The following ITGBL1 variants were observed in gnomAD, a reference collection of about 807,000 sequenced individuals.
ITGBL1 encodes the protein integrin beta-like protein 1.
In ITGBL1, 51 loss-of-function variants were observed where a neutral mutation model predicts 68.5. The observed-to-expected ratio is 0.74, with a 90% CI of 0.59 to 0.94. The LOEUF (loss-of-function observed/expected upper bound fraction) is 0.94. ITGBL1 is among the 40% of genes least tolerant of loss of function. ITGBL1 has a pLI of 0.00. For synonymous variants in ITGBL1, 209 were observed against 227.3 expected (o/e 0.92, Z 0.72); for missense variants, 649 against 647.4 (o/e 1.00, Z -0.03).
At chr13:101,658,792 A>T (rs1027868815) in intron 7 of ITGBL1, among the ~76,000 whole-genome samples, 81 of 152,220 alleles carry the variant, frequency 5.3e-4, no homozygotes, top group African/African-American at 1.8e-3. Flanking sequence ...ATTCACAGTC[A>T]ACCTGTTTCT....
intron 3 of ITGBL1, among the ~76,000 whole-genome samples, chr13:101,572,178 T>C (rs2050284307): frequency 6.6e-6 from 1 of 152,138 alleles, no homozygotes; most frequent in Admixed American, 6.6e-5. Flanking sequence ...ACCCTCCGAG[T>C]TCAGGACCAT....
intron 9 of ITGBL1, among the ~76,000 whole-genome samples, chr13:101,710,142 G>A: frequency 6.6e-6 from 1 of 152,216 alleles, no homozygotes; most frequent in East Asian, 1.9e-4. Flanking sequence ...AGGGTTGAAA[G>A]CATATTTGTG....
At position 101,604,887 on chromosome 13, in the gene ITGBL1, T is replaced by TACACATACATACACACAC. The variant is rs1555361673; in HGVS notation, c.1015+6593_1015+6594insTACATACACACACACACA. On this transcript the variant is annotated intron_variant, in intron 7 of 10. Coordinates refer to ENST00000376180, the MANE Select transcript of ITGBL1 (RefSeq NM_004791.3). The stretch of plus-strand genomic sequence containing the variant: ...ATATATATATATATATATATATATA[T>TACACATACATACACACAC]ACACACACACACACATATATATGTG... Among the ~76,000 whole-genome samples, 24 of 22,164 alleles carry TACACATACATACACACAC rather than the reference T, an allele frequency of 1.1e-3. 1 individual carries two copies. The South Asian group carries it at 0.026, about 24-fold the overall frequency. The allele number at this position is 22,164 out of a possible 152,430, so 14.5% of individuals were successfully genotyped here.
At chr13:101,629,119 C>T (rs1175345117) in intron 7 of ITGBL1, among the ~76,000 whole-genome samples, 1 of 151,952 alleles carries the variant, frequency 6.6e-6, no homozygotes, top group Non-Finnish European at 1.5e-5. Flanking sequence ...TTTAGGCTAC[C>T]ATGCCGTTTT....
intron 2 of ITGBL1, among the ~76,000 whole-genome samples, chr13:101,499,012 C>A (rs1009238589): frequency 6.6e-6 from 1 of 152,152 alleles, no homozygotes; most frequent in Non-Finnish European, 1.5e-5. Context: ...ATGGGGGAAC[C>A]TGCCCCCATG....
intron 2 of ITGBL1, among the ~76,000 whole-genome samples, chr13:101,479,460 G>A (rs773731827): frequency 3.9e-5 from 6 of 152,006 alleles, no homozygotes; most frequent in Non-Finnish European, 7.4e-5. Context: ...GGACAAATGG[G>A]ATCACATCAA....
chr13:101,487,544 AG>A (rs1485114098), intron 2 of ITGBL1, among the ~76,000 whole-genome samples: 4 of 152,232 alleles, frequency 2.6e-5, no homozygotes, highest in Admixed American at 2.6e-4. Context: ...CAATTACCTC[AG>A]GAATATATAG....
chr13:101,701,311 G>A (rs1017995186), intron 8 of ITGBL1, among the ~76,000 whole-genome samples: 3 of 152,110 alleles, frequency 2.0e-5, no homozygotes, highest in Non-Finnish European at 2.9e-5. Context: ...GAGGCGGGCA[G>A]ATCATGAGGT....
At chr13:101,685,853 C>A (rs988541058) in intron 7 of ITGBL1, among the ~76,000 whole-genome samples, 3 of 151,702 alleles carry the variant, frequency 2.0e-5, no homozygotes, top group African/African-American at 7.3e-5. Context: ...AGTAATATAG[C>A]CTAAGAAGAA....
At chr13:101,489,884 G>T in intron 2 of ITGBL1, 1 of 899,706 alleles carries the variant, frequency 1.1e-6, no homozygotes, top group Non-Finnish European at 1.7e-6. Context: ...CCAGTGAGAG[G>T]TGGACTAAAG....
At chr13:101,479,945 T>C (rs1258450002) in intron 2 of ITGBL1, among the ~76,000 whole-genome samples, 2 of 152,024 alleles carry the variant, frequency 1.3e-5, no homozygotes, top group Admixed American at 6.6e-5. Context: ...TATCATATGA[T>C]CAAGCAATCC....
At position 101,596,235 on chromosome 13, in the gene ITGBL1, G is replaced by A. The variant is rs537823931; in HGVS notation, c.869-1918G>A. On this transcript the variant is annotated intron_variant, in intron 6 of 10. Coordinates refer to ENST00000376180, the MANE Select transcript of ITGBL1 (RefSeq NM_004791.3). Reference sequence around the variant, plus strand: ...TCACTCATATGTGGAATCTAAAAACGTTGAACTCTTAGAAATAGAGTAGAA... The same window carrying A: ...TCACTCATATGTGGAATCTAAAAACATTGAACTCTTAGAAATAGAGTAGAA... Among the ~76,000 whole-genome samples, 29 of 152,248 alleles carry A rather than the reference G, an allele frequency of 1.9e-4. No individual in the cohort carries two copies. The South Asian group carries it at 5.8e-3, about 30-fold the overall frequency.
intron 7 of ITGBL1, among the ~76,000 whole-genome samples, chr13:101,661,998 T>A (rs1283137025): frequency 5.9e-5 from 9 of 152,178 alleles, no homozygotes; most frequent in Admixed American, 5.9e-4. Context: ...ACAAAAGTAA[T>A]CAGGGTTCCT....
chr13:101,626,426 G>T, intron 7 of ITGBL1, among the ~76,000 whole-genome samples: 1 of 152,164 alleles, frequency 6.6e-6, no homozygotes, highest in Non-Finnish European at 1.5e-5. Context: ...GAAATAAGCA[G>T]CTTACCTTAG....
chr13:101,706,032 T>C (rs1164240578), intron 8 of ITGBL1, among the ~76,000 whole-genome samples: 1 of 152,220 alleles, frequency 6.6e-6, no homozygotes, highest in East Asian at 1.9e-4. Context: ...TGGAATATCA[T>C]GCAATCTAAT....
intron 2 of ITGBL1, among the ~76,000 whole-genome samples, chr13:101,501,447 A>G (rs902489031): frequency 5.9e-5 from 9 of 152,184 alleles, no homozygotes; most frequent in African/African-American, 2.2e-4. Flanking sequence ...CTGTGAATTC[A>G]ATTTCCAGGC....
chr13:101,597,045 G>A (rs1165387299), intron 6 of ITGBL1, among the ~76,000 whole-genome samples: 2 of 152,096 alleles, frequency 1.3e-5, no homozygotes, highest in African/African-American at 4.8e-5. Context: ...ACTAAGAGTG[G>A]ACCCTAATGT....
chr13:101,496,477 G>A (rs1175243742), intron 2 of ITGBL1, among the ~76,000 whole-genome samples: 2 of 152,168 alleles, frequency 1.3e-5, no homozygotes, highest in African/African-American at 4.8e-5. Context: ...GCTTGTGCTT[G>A]CATGATAATT....
chr13:101,708,834 C>G (rs189104170), intron 9 of ITGBL1, among the ~76,000 whole-genome samples: 1 of 152,344 alleles, frequency 6.6e-6, no homozygotes, highest in Non-Finnish European at 1.5e-5. Context: ...AACCTAATGT[C>G]ATTACAGCAG....
Sources: gnomAD v4.1 joint callset for allele counts (sites outside exome capture counted in the v4.1 genomes callset) on GRCh38, gnomAD v4.1.1 for gene constraint, MANE v1.5 for transcripts, NCBI Gene and HGNC (gene_info 2026-07-23, HGNC 2026-07-21) for gene names.